Variants in RNLS observed in about 807,000 individuals in gnomAD.
RNLS encodes renalase, FAD dependent amine oxidase.
In RNLS, 39 loss-of-function variants were observed where a neutral mutation model predicts 39.8. The observed-to-expected ratio is 0.98, with a 90% CI of 0.76 to 1.28. RNLS has a LOEUF of 1.28. RNLS is among the 50% of genes most tolerant of loss of function. The probability of loss-of-function intolerance (pLI) is 0.00; values close to 1 mark genes in which losing one functional copy is unlikely to be tolerated. For synonymous variants in RNLS, 147 were observed against 150.7 expected (o/e 0.98, Z 0.18); for missense variants, 410 against 413.3 (o/e 0.99, Z 0.07).
the RNLS span, among the ~76,000 whole-genome samples, chr10:88,200,447 T>C: frequency 6.6e-6 from 1 of 152,194 alleles, no homozygotes; most frequent in Non-Finnish European, 1.5e-5. Context: ...GAGGCATAGA[T>C]ACACACCCAG....
the RNLS span, among the ~76,000 whole-genome samples, chr10:88,222,392 T>G: frequency 6.6e-6 from 1 of 152,206 alleles, no homozygotes; most frequent in Non-Finnish European, 1.5e-5. Context: ...CCTTGGAGTC[T>G]GGGAGGAGGC....
At chr10:88,221,136 G>A in the RNLS span, among the ~76,000 whole-genome samples, 3 of 152,074 alleles carry the variant, frequency 2.0e-5, no homozygotes, top group Admixed American at 6.5e-5. Context: ...CTCTACCTTT[G>A]CAGTCCCACT....
chr10:88,180,502 TTA>T, the RNLS span, among the ~76,000 whole-genome samples: 1 of 152,218 alleles, frequency 6.6e-6, no homozygotes, highest in Non-Finnish European at 1.5e-5. Flanking sequence ...TTTTGGTGCT[TTA>T]GGTTGGTCAA....
intron 4 of RNLS, among the ~76,000 whole-genome samples, chr10:88,568,786 A>T (rs1246063642): frequency 6.6e-6 from 1 of 152,238 alleles, no homozygotes; most frequent in African/African-American, 2.4e-5. Flanking sequence ...ACTTGTTTAC[A>T]AGGCGAGTCA....
intron 5 of RNLS, among the ~76,000 whole-genome samples, chr10:88,337,206 A>G (rs1026397241): frequency 6.6e-6 from 1 of 152,222 alleles, no homozygotes; most frequent in Non-Finnish European, 1.5e-5. Context: ...AATAGATGCA[A>G]GAAATCCAGG....
At chr10:88,430,755 C>T (rs973455837) in intron 4 of RNLS, among the ~76,000 whole-genome samples, 8 of 151,694 alleles carry the variant, frequency 5.3e-5, no homozygotes, top group African/African-American at 1.9e-4. Flanking sequence ...CTGGGATGAT[C>T]ATAGATTTTT....
intron 4 of RNLS, among the ~76,000 whole-genome samples, chr10:88,427,622 T>C (rs1381265619): frequency 2.0e-5 from 3 of 151,952 alleles, no homozygotes; most frequent in Admixed American, 2.0e-4. Flanking sequence ...TTATTCCTGT[T>C]GAATTCTGGT....
intron 4 of RNLS, among the ~76,000 whole-genome samples, chr10:88,365,534 C>G (rs898938169): frequency 1.4e-5 from 2 of 145,960 alleles, no homozygotes; most frequent in Admixed American, 6.7e-5. Flanking sequence ...CACACACACA[C>G]ACACACACAC....
chr10:88,253,175 C>T, the RNLS span, among the ~76,000 whole-genome samples: 3 of 152,138 alleles, frequency 2.0e-5, no homozygotes, highest in Admixed American at 1.3e-4. Flanking sequence ...TGTGATTTAC[C>T]CACTGTATTT....
intron 5 of RNLS, among the ~76,000 whole-genome samples, chr10:88,325,836 G>A (rs1846560132): frequency 6.6e-6 from 1 of 152,154 alleles, no homozygotes; most frequent in Admixed American, 6.5e-5. Context: ...ACTGGTGTGA[G>A]GTGATTGGAT....
At chr10:88,316,954 G>A (rs1392531837) in intron 5 of RNLS, among the ~76,000 whole-genome samples, 1 of 152,026 alleles carries the variant, frequency 6.6e-6, no homozygotes, top group African/African-American at 2.4e-5. Flanking sequence ...GAATTTAAAC[G>A]TGATCAAAGT....
At chr10:88,252,972 G>C in the RNLS span, among the ~76,000 whole-genome samples, 10 of 152,228 alleles carry the variant, frequency 6.6e-5, no homozygotes, top group Admixed American at 6.5e-4. Flanking sequence ...GGAGCAGAAG[G>C]GAATGGGCTC....
At position 88,495,518 on chromosome 10, in the gene RNLS, C is replaced by T. The variant is rs1007527104; in HGVS notation, c.526+77385G>A. On this transcript the variant is annotated intron_variant, in intron 4 of 6. Coordinates refer to ENST00000331772, the MANE Select transcript of RNLS (RefSeq NM_001031709.3). ...TATATAATACATCTGCTCTCATTACCGCACAAGGATTATGTCAAAGTAATC... is the reference window on the plus strand; with the variant it reads ...TATATAATACATCTGCTCTCATTACTGCACAAGGATTATGTCAAAGTAATC... Among the ~76,000 whole-genome samples the T allele has an allele frequency of 3.9e-5, 6 of 152,180 alleles. No individual in the cohort carries two copies. In the East Asian group the frequency reaches 7.7e-4, roughly 20 times the overall value.
chr10:88,503,144 G>A (rs533600859), intron 4 of RNLS, among the ~76,000 whole-genome samples: 78 of 152,302 alleles, frequency 5.1e-4, no homozygotes, highest in Non-Finnish European at 9.0e-4. Context: ...ACTCTGGGAG[G>A]CCAAGGTGGG....
At chr10:88,353,783 G>A (rs1017882225) in intron 5 of RNLS, among the ~76,000 whole-genome samples, 3 of 152,096 alleles carry the variant, frequency 2.0e-5, no homozygotes, top group African/African-American at 7.2e-5. Flanking sequence ...TTTCTGTCTC[G>A]TTGATCTATC....
At chr10:88,492,345 T>C (rs1228688871) in intron 4 of RNLS, among the ~76,000 whole-genome samples, 1 of 151,966 alleles carries the variant, frequency 6.6e-6, no homozygotes, top group Non-Finnish European at 1.5e-5. Context: ...CTCTGGAAAA[T>C]GGCATGCAAG....
the RNLS span, among the ~76,000 whole-genome samples, chr10:88,250,232 T>C: frequency 6.6e-6 from 1 of 152,206 alleles, no homozygotes. Flanking sequence ...TTTCCTCCAT[T>C]ATTAGCACAT....
the RNLS span, among the ~76,000 whole-genome samples, chr10:88,191,816 T>C: frequency 5.1e-4 from 77 of 152,292 alleles, no homozygotes; most frequent in Non-Finnish European, 9.6e-4. Flanking sequence ...TGAAACACTA[T>C]CTTGGGTCCA....
rs553653540 is a variant in RNLS at position 88,336,775 on chromosome 10, T to C, written c.701-22134A>G. ...ACTTTCGGGTGCTGGATAGAGGCTA[T>C]GGGACAGGGTAGGAAGGCAAGAGCT... is the stretch of plus-strand genomic sequence containing the variant. On this transcript the variant is annotated intron_variant, in intron 5 of 6. Coordinates refer to ENST00000331772, the MANE Select transcript of RNLS (RefSeq NM_001031709.3). Among the ~76,000 whole-genome samples the C allele has an allele frequency of 1.6e-4, 25 of 152,296 alleles. No homozygotes were observed. In the South Asian group the frequency reaches 4.1e-3, roughly 25 times the overall value.
Sources: allele counts gnomAD v4.1 joint callset (sites outside exome capture counted in the v4.1 genomes callset), GRCh38; gene constraint gnomAD v4.1.1; transcripts MANE v1.5; gene names NCBI Gene and HGNC (gene_info 2026-07-23, HGNC 2026-07-21).